Variants in CDH22 observed in about 807,000 individuals in gnomAD.
CDH22 encodes cadherin 22, also known as cadherin-22.
A neutral mutation model predicts 58.4 loss-of-function variants in CDH22; 30 were observed. The ratio of observed to expected loss-of-function variants is 0.51; its 90% CI spans 0.38 to 0.70. The LOEUF is 0.70. Ranked by LOEUF, CDH22 falls within the 30% of genes least tolerant of loss-of-function variation. The pLI is 0.00. For synonymous variants in CDH22, 513 were observed against 558.2 expected (o/e 0.92, Z 1.14); for missense variants, 1,014 against 1,233.9 (o/e 0.82, Z 2.67).
intron 1 of CDH22, among the ~76,000 whole-genome samples, chr20:46,268,443 G>A: frequency 6.6e-6 from 1 of 152,270 alleles, no homozygotes; most frequent in East Asian, 1.9e-4. Context: ...CAACCTCGCA[G>A]TAAATTACAG....
In CDH22 at chr20:46,308,475, G is replaced by T; in HGVS notation, c.-620C>A. 2 of 212,264 alleles carry T rather than the reference G, an allele frequency of 9.4e-6. No homozygotes were observed. The highest frequency in any genetic ancestry group is 1.8e-4 in the South Asian group (1 of 5,526). 13.1% of individuals were successfully genotyped at this position (212,264 alleles called of 1,614,324 possible). A position where few individuals can be genotyped will look rare whatever the true frequency, so the allele number is the denominator to read the frequency against. ...AGAGCGAGGGAGTGAGCGAGCGAGCGGGAGCGAGGGAGTGTGCGTGTCTGA... is the reference window on the plus strand; with the variant it reads ...AGAGCGAGGGAGTGAGCGAGCGAGCTGGAGCGAGGGAGTGTGCGTGTCTGA... On this transcript the variant is annotated 5_prime_UTR_variant, in exon 1 of 12. Coordinates refer to ENST00000537909, the MANE Select transcript of CDH22 (RefSeq NM_021248.3). The surrounding 1 kb of genome is among the most constrained non-coding windows in gnomAD (Gnocchi z 4.3).
chr20:46,210,251 C>CG lies in CDH22; in HGVS notation c.1286+55dup, dbSNP rs1183012670. 25 of 1,359,680 alleles carry CG rather than the reference C, an allele frequency of 1.8e-5. No individual in the cohort carries two copies. Among genetic ancestry groups the CG allele is most frequent in the Non-Finnish European group, 2.4e-5 (25 of 1,060,320 alleles). 84.2% of individuals were successfully genotyped at this position (1,359,680 alleles called of 1,614,324 possible). A position where few individuals can be genotyped will look rare whatever the true frequency, so the allele number is the denominator to read the frequency against. On this transcript the variant is annotated intron_variant, in intron 7 of 11. Coordinates refer to ENST00000537909, the MANE Select transcript of CDH22 (RefSeq NM_021248.3). The surrounding 1 kb of genome is among the most constrained non-coding windows in gnomAD (Gnocchi z 4.5). ...CTCCCCTCTGCCCGCAGTCTGTCCG[C>CG]GGGGGTGATGGCGGGATAGCAGGCA...
chr20:46,250,892 T>C lies in CDH22; in HGVS notation c.255+148A>G, dbSNP rs2086367123. 8 of 555,966 alleles carry C rather than the reference T, an allele frequency of 1.4e-5. No individual in the cohort carries two copies. In the South Asian group the frequency reaches 1.9e-4, roughly 13 times the overall value. 34.4% of individuals were successfully genotyped at this position (555,966 alleles called of 1,614,324 possible). A position where few individuals can be genotyped will look rare whatever the true frequency, so the allele number is the denominator to read the frequency against. On this transcript the variant is annotated intron_variant, in intron 2 of 11. Coordinates refer to ENST00000537909, the MANE Select transcript of CDH22 (RefSeq NM_021248.3). ...CGGAGTGGGAGTGGGAATGGGGCTC[T>C]GGGCCCCCTTATCAGTCCTTGGCTA...
Position 46,300,591 on chromosome 20 carries a change from C to A in CDH22, c.-400+7664G>T, listed in dbSNP as rs1444606613. 6.6e-6 allele frequency among the ~76,000 whole-genome samples: 1 copy of A among 152,194 alleles called. No individual in the cohort carries two copies. The highest frequency in any genetic ancestry group is 6.5e-5 in the Admixed American group (1 of 15,284). On this transcript the variant is annotated intron_variant, in intron 1 of 11. Coordinates refer to ENST00000537909, the MANE Select transcript of CDH22 (RefSeq NM_021248.3). This position sits in a 1 kb window ranked among gnomAD's most constrained non-coding sequence, Gnocchi z 4.4. ...TACGGTGACAACAAAGAATATGGGG[C>A]GGGGCTTTCTGCTTTTTTGACTCGC...
chr20:46,292,371 A>C (rs997619456), intron 1 of CDH22, among the ~76,000 whole-genome samples: 2 of 152,192 alleles, frequency 1.3e-5, no homozygotes, highest in African/African-American at 4.8e-5. Flanking sequence ...GCACTAGGAA[A>C]ACAGCTGTGG....
chr20:46,283,926 A>C (rs2086562294), intron 1 of CDH22, among the ~76,000 whole-genome samples: 1 of 152,230 alleles, frequency 6.6e-6, no homozygotes. Context: ...CCTGAGCAGC[A>C]GATGAATGAG....
chr20:46,263,537 G>T (rs1258516256), intron 1 of CDH22, among the ~76,000 whole-genome samples: 5 of 152,044 alleles, frequency 3.3e-5, no homozygotes, highest in Non-Finnish European at 7.4e-5. Context: ...CAAAGAGAAA[G>T]TACAAGGAGC....
chr20:46,274,442 A>T (rs908997929), intron 1 of CDH22, among the ~76,000 whole-genome samples: 1 of 152,216 alleles, frequency 6.6e-6, no homozygotes, highest in Non-Finnish European at 1.5e-5. Flanking sequence ...TTAATGAAAC[A>T]ATTGGGCCCT....
intron 10 of CDH22, among the ~76,000 whole-genome samples, chr20:46,185,584 T>G (rs1402223864): frequency 6.6e-6 from 1 of 151,992 alleles, no homozygotes; most frequent in African/African-American, 2.4e-5. Flanking sequence ...GAAATGTGAG[T>G]GGGCCTGGCG....
intron 4 of CDH22, among the ~76,000 whole-genome samples, chr20:46,217,866 TA>T (rs1381339327): frequency 1.3e-5 from 2 of 152,004 alleles, no homozygotes; most frequent in East Asian, 3.8e-4. Context: ...CACACTCTCA[TA>T]CACACTGTAA....
chr20:46,202,992 C>A (rs1305454264), intron 7 of CDH22, among the ~76,000 whole-genome samples: 1 of 152,198 alleles, frequency 6.6e-6, no homozygotes. Context: ...TGGCTCAGAG[C>A]TGTCTCCTCT....
At chr20:46,189,173 C>A (rs1008665839) in intron 8 of CDH22, among the ~76,000 whole-genome samples, 1 of 152,232 alleles carries the variant, frequency 6.6e-6, no homozygotes, top group African/African-American at 2.4e-5. Context: ...ACCCCAGCTT[C>A]TCTCTGGAGT....
In CDH22 at chr20:46,210,182, C is replaced by T. The variant is rs376187924; in HGVS notation, c.1286+125G>A. The T allele has an allele frequency of 5.1e-5, 53 of 1,029,376 alleles. No homozygotes were observed. In the South Asian group the frequency reaches 9.6e-4, roughly 19 times the overall value. 63.8% of individuals were successfully genotyped at this position (1,029,376 alleles called of 1,614,324 possible). On this transcript the variant is annotated intron_variant, in intron 7 of 11. Transcript: ENST00000537909. The surrounding 1 kb of genome is among the most constrained non-coding windows in gnomAD (Gnocchi z 4.5). The stretch of plus-strand genomic sequence containing the variant: ...CGTGCGCCTCTCTCCGCGCCTCCCT[C>T]CCCCACGCAGCCCCTTCCTTCGGCC...
rs147229952 is a variant in CDH22 at position 46,283,658 on chromosome 20, G to A, written c.-400+24597C>T. ...GACCATGTGTGTCTGGCTCATGCCA[G>A]CACCTCCCCAGGTATCCACCCACCC... On this transcript the variant is annotated intron_variant, in intron 1 of 11. Transcript: ENST00000537909. Among the ~76,000 whole-genome samples the A allele has an allele frequency of 4.6e-3, 707 of 152,190 alleles. 3 individuals carry two copies. The highest frequency in any genetic ancestry group is 0.016 in the African/African-American group (683 of 41,518).
intron 10 of CDH22, among the ~76,000 whole-genome samples, chr20:46,179,467 G>A (rs2085769334): frequency 6.6e-6 from 1 of 152,212 alleles, no homozygotes; most frequent in African/African-American, 2.4e-5. Flanking sequence ...GGAGCCCTAC[G>A]AAGGTCTGAC....
chr20:46,269,255 C>A (rs2086476196), intron 1 of CDH22, among the ~76,000 whole-genome samples: 1 of 152,142 alleles, frequency 6.6e-6, no homozygotes, highest in Admixed American at 6.5e-5. Flanking sequence ...GCTCCAATTA[C>A]CAGCCCTGTC....
intron 3 of CDH22, among the ~76,000 whole-genome samples, chr20:46,239,854 G>T (rs896079065): frequency 2.0e-5 from 3 of 152,236 alleles, no homozygotes; most frequent in African/African-American, 7.2e-5. Flanking sequence ...ACGGTCTGGG[G>T]GTTTCCTGGT....
At chr20:46,243,544 C>T (rs2086307890) in intron 2 of CDH22, among the ~76,000 whole-genome samples, 1 of 152,178 alleles carries the variant, frequency 6.6e-6, no homozygotes. Flanking sequence ...GTAAAAACCT[C>T]ATAACTCAGT....
intron 7 of CDH22, among the ~76,000 whole-genome samples, chr20:46,207,451 GACAA>G (rs1196767546): frequency 2.0e-5 from 3 of 152,180 alleles, no homozygotes; most frequent in Non-Finnish European, 4.4e-5. Context: ...TCAACTCCCA[GACAA>G]ACAGAGGTGA....
Sources: gnomAD v4.1 joint callset for allele counts (sites outside exome capture counted in the v4.1 genomes callset) on GRCh38, gnomAD v4.1.1 for gene constraint, Gnocchi (gnomAD v3.1) non-coding constraint, MANE v1.5 for transcripts, NCBI Gene and HGNC (gene_info 2026-07-23, HGNC 2026-07-21) for gene names.